Variants in EZH1 observed in about 807,000 individuals in gnomAD.
EZH1 encodes the protein histone-lysine N-methyltransferase EZH1.
EZH1 carries 33 observed loss-of-function variants against 100.5 expected under a neutral mutation model. That is an observed-to-expected ratio of 0.33 (90% CI 0.25 to 0.44). The LOEUF is 0.44. EZH1 is among the 20% of genes least tolerant of loss of function. The pLI is 1.00. For synonymous variants in EZH1, 272 were observed against 313.8 expected (o/e 0.87, Z 1.41); for missense variants, 475 against 928.4 (o/e 0.51, Z 6.35).
chr17:42,738,107 C>T (rs981556975), intron 1 of EZH1, among the ~76,000 whole-genome samples: 1 of 146,138 alleles, frequency 6.8e-6, no homozygotes, highest in African/African-American at 2.5e-5. Context: ...ACCCAGGAGG[C>T]GGAGCTTGCA....
Position 42,718,723 on chromosome 17 carries a change from T to C in EZH1, c.768-106A>G. 1 of 1,190,174 alleles carries C rather than the reference T, an allele frequency of 8.4e-7. No homozygotes were observed. The highest frequency in any genetic ancestry group is 1.2e-6 in the Non-Finnish European group (1 of 842,792). The allele number at this position is 1,190,174 out of a possible 1,614,324, so 73.7% of individuals were successfully genotyped here. A position where few individuals can be genotyped will look rare whatever the true frequency, so the allele number is the denominator to read the frequency against. ...TCACCTACGGTCTGCCAAGGGAGGA[T>C]GGGTGTTTTTTATAGGTCTGGTTGA... On this transcript the variant is annotated intron_variant, in intron 8 of 20. Coordinates refer to ENST00000428826, the MANE Select transcript of EZH1 (RefSeq NM_001991.5). The surrounding 1 kb of genome is among the most constrained non-coding windows in gnomAD (Gnocchi z 4.2).
intron 5 of EZH1, 30 bp from the exon 6 acceptor site, chr17:42,722,945 A>G: frequency 1.2e-6 from 2 of 1,605,360 alleles, no homozygotes; most frequent in Non-Finnish European, 8.5e-7. Context: ...GATTTATTCC[A>G]TGAAGCCATC....
chr17:42,713,666 G>A (rs1014476410), intron 10 of EZH1, among the ~76,000 whole-genome samples: 3 of 152,110 alleles, frequency 2.0e-5, no homozygotes, highest in Non-Finnish European at 2.9e-5. Context: ...GCAGAGGCCT[G>A]CTCACTGCAG....
At chr17:42,734,193 C>G (rs1003254826) in intron 1 of EZH1, among the ~76,000 whole-genome samples, 7 of 151,596 alleles carry the variant, frequency 4.6e-5, no homozygotes, top group African/African-American at 1.7e-4. Context: ...CATTACACCA[C>G]CATGCCCGGC....
rs368186903 is a variant in EZH1 at position 42,718,099 on chromosome 17, G to A, written c.932-32C>T. On this transcript the variant is annotated intron_variant, in intron 9 of 20. Coordinates refer to ENST00000428826, the MANE Select transcript of EZH1 (RefSeq NM_001991.5). The surrounding 1 kb of genome is among the most constrained non-coding windows in gnomAD (Gnocchi z 4.2). ...AACAAAAACTGTCTTGTTGCCAGTG[G>A]TCTATCCACTTGACAAGATGGGGAG... is the stretch of plus-strand genomic sequence containing the variant. 13 of 1,573,066 alleles carry A rather than the reference G, an allele frequency of 8.3e-6. No homozygotes were observed. Among genetic ancestry groups the A allele is most frequent in the African/African-American group, 1.3e-5 (1 of 74,108 alleles).
intron 10 of EZH1, chr17:42,714,664 G>A (rs1567990582): frequency 4.0e-6 from 1 of 250,680 alleles, no homozygotes; most frequent in Non-Finnish European, 8.1e-6. Context: ...AAGTTTTTTT[G>A]AGTAATAAAA....
At position 42,712,314 on chromosome 17, in the gene EZH1, A is replaced by C; in HGVS notation, c.1376T>G (p.Leu459Arg). 1 of 1,613,986 alleles carries C rather than the reference A, an allele frequency of 6.2e-7. No homozygotes were observed. Among genetic ancestry groups the C allele is most frequent in the East Asian group, 2.2e-5 (1 of 44,886 alleles). ...YFNNFCSIAR[L>R]LGTKTCKQVF... Reference sequence around the variant, plus strand: ...CTGCTTGCACGTCTTGGTCCCCAGAAGCCTGGCTATTGAACAGAAGTTGTT... The same window carrying C: ...CTGCTTGCACGTCTTGGTCCCCAGACGCCTGGCTATTGAACAGAAGTTGTT... Residue 459 changes from leucine to arginine, a missense_variant, in exon 12 of 21, where the codon CTT becomes CGT. Physicochemically the swap from Leu to Arg is moderately radical, Grantham distance 102. This residue lies in a region of EZH1 where 83 missense variants were observed against 142.1 expected (regional missense o/e 0.58). Transcript: ENST00000428826.
rs919824396 is a variant in EZH1 at position 42,742,498 on chromosome 17, C to T, written c.-103+2513G>A. Among the ~76,000 whole-genome samples, 4 of 152,104 alleles carry T rather than the reference C, an allele frequency of 2.6e-5. No homozygotes were observed. In the East Asian group the frequency reaches 5.8e-4, roughly 22 times the overall value. ...ACCATCATAATGAAGAAGTCATTTA[C>T]ACTTTAAGGAATTTTAAGCTGGGCC... On this transcript the variant is annotated intron_variant, in intron 1 of 20. Coordinates refer to ENST00000428826, the MANE Select transcript of EZH1 (RefSeq NM_001991.5).
Position 42,708,235 on chromosome 17 carries a change from C to T in EZH1, c.1535-152G>A, listed in dbSNP as rs905269818. On this transcript the variant is annotated intron_variant, in intron 14 of 20. Transcript: ENST00000428826. The stretch of plus-strand genomic sequence containing the variant: ...ACCTGAAGTGAGAAGACAGGGATGA[C>T]CGTTGTTCATAAGCTGCAGTGGGGT... 1.7e-5 allele frequency: 15 copies of T among 884,592 alleles called. No homozygotes were observed. The African/African-American group carries it at 2.5e-4, about 15-fold the overall frequency. The allele number at this position is 884,592 out of a possible 1,614,324, so 54.8% of individuals were successfully genotyped here.
At chr17:42,727,008 C>T (rs1395349674) in intron 4 of EZH1, among the ~76,000 whole-genome samples, 3 of 151,788 alleles carry the variant, frequency 2.0e-5, no homozygotes, top group Non-Finnish European at 4.4e-5. Flanking sequence ...CACCATCACA[C>T]GCAGCTAACT....
At chr17:42,740,203 A>G (rs770484821) in intron 1 of EZH1, among the ~76,000 whole-genome samples, 1 of 151,092 alleles carries the variant, frequency 6.6e-6, no homozygotes, top group African/African-American at 2.4e-5. Context: ...ACATGCCACC[A>G]TGCCTGGCTA....
chr17:42,720,149 C>A, intron 7 of EZH1, 124 bp downstream of exon 7: 1 of 939,122 alleles, frequency 1.1e-6, no homozygotes, highest in Non-Finnish European at 1.6e-6. Context: ...TGATCATGTT[C>A]TCCTTTTAAG....
rs776244541 is a variant in EZH1, at chr17:42,712,382, C to T, written c.1308G>A (p.Gly436=). The T allele has an allele frequency of 6.2e-7, 1 of 1,614,162 alleles. No individual in the cohort carries two copies. Among genetic ancestry groups the T allele is most frequent in the South Asian group, 1.1e-5 (1 of 91,076 alleles). ...AGACTCGAAAAAGAGATTCTTCAGCCCCAGTCCATTCCACAGGCTCCGAGG... is the reference window on the plus strand; with the variant it reads ...AGACTCGAAAAAGAGATTCTTCAGCTCCAGTCCATTCCACAGGCTCCGAGG... ...EAPSEPVEWT[G]AEESLFRVFH... Residue 436 remains glycine (G), a synonymous_variant, in exon 12 of 21, where the codon GGG becomes GGA. Coordinates refer to ENST00000428826, the MANE Select transcript of EZH1 (RefSeq NM_001991.5).
chr17:42,720,571 G>T, intron 6 of EZH1, 122 bp from the exon 7 acceptor site: 1 of 782,650 alleles, frequency 1.3e-6, no homozygotes, highest in Non-Finnish European at 1.9e-6. Flanking sequence ...ATTTTTACAT[G>T]GGAGATCAGG....
chr17:42,728,247 G>A (rs988131923), intron 3 of EZH1, among the ~76,000 whole-genome samples: 7 of 150,930 alleles, frequency 4.6e-5, no homozygotes, highest in African/African-American at 1.7e-4. Context: ...CCAAGTAGCC[G>A]GGATTACAGG....
intron 1 of EZH1, among the ~76,000 whole-genome samples, chr17:42,743,343 G>C (rs1450716822): frequency 6.6e-6 from 1 of 150,828 alleles, no homozygotes; most frequent in Non-Finnish European, 1.5e-5. Context: ...ATTAATTTTT[G>C]TATTTTTAGT....
In EZH1 at chr17:42,706,066, G is replaced by A. The variant is rs2053348380; in HGVS notation, c.1780C>T (p.His594Tyr). Residue 594 changes from histidine (H) to tyrosine (Y), a missense_variant, in exon 16 of 21, where the codon CAC becomes TAC. By Grantham distance (83) the His-to-Tyr change is moderately conservative. Transcript: ENST00000428826. The surrounding 1 kb of genome is among the most constrained non-coding windows in gnomAD (Gnocchi z 4.4). ...DLCLTCGASEHWDCKVVSCKN... is the reference protein window; with the variant it reads ...DLCLTCGASEYWDCKVVSCKN... Reference sequence around the variant, plus strand: ...CAGGAAACCACCTTGCAGTCCCAGTGCTCTGAGGCCCCACAGGTGAGACAC... The same window carrying A: ...CAGGAAACCACCTTGCAGTCCCAGTACTCTGAGGCCCCACAGGTGAGACAC... 6.2e-7 allele frequency: 1 copy of A among 1,614,096 alleles called. No homozygotes were observed. Among genetic ancestry groups the A allele is most frequent in the Non-Finnish European group, 8.5e-7 (1 of 1,180,004 alleles).
chr17:42,744,522 C>T lies in EZH1; in HGVS notation c.-103+489G>A, dbSNP rs1228115890. On this transcript the variant is annotated intron_variant, in intron 1 of 20. Coordinates refer to ENST00000428826, the MANE Select transcript of EZH1 (RefSeq NM_001991.5). ...TGCCTTGGGAGCCTTACTCACCTCACCCTAGTCCCGGCCTTGTTTTTACTG... is the reference window on the plus strand; with the variant it reads ...TGCCTTGGGAGCCTTACTCACCTCATCCTAGTCCCGGCCTTGTTTTTACTG... Among the ~76,000 whole-genome samples the T allele has an allele frequency of 2.0e-5, 3 of 152,286 alleles. No homozygotes were observed. The East Asian group carries it at 5.8e-4, about 29-fold the overall frequency.
At chr17:42,703,078 G>A in intron 19 of EZH1, 117 bp from the exon 20 acceptor site, 2 of 980,522 alleles carry the variant, frequency 2.0e-6, no homozygotes, top group Non-Finnish European at 3.2e-6. Flanking sequence ...AATGGAATTA[G>A]AAAGTAGTCA....
Sources: gnomAD v4.1 joint callset for allele counts (sites outside exome capture counted in the v4.1 genomes callset) on GRCh38, gnomAD v4.1.1 for gene constraint, gnomAD v4.1.1 regional missense constraint, Gnocchi (gnomAD v3.1) non-coding constraint, MANE v1.5 for transcripts, NCBI Gene and HGNC (gene_info 2026-07-23, HGNC 2026-07-21) for gene names.